The following ZNF385B variants were observed in gnomAD, a reference collection of about 807,000 sequenced individuals.
ZNF385B encodes zinc finger protein 533.
A neutral mutation model predicts 39.2 loss-of-function variants in ZNF385B; 23 were observed. The observed-to-expected ratio is 0.59, with a 90% CI of 0.42 to 0.83. The LOEUF is 0.83. ZNF385B is among the 40% of genes least tolerant of loss of function. The pLI is 0.00. For synonymous variants in ZNF385B, 205 were observed against 222.6 expected, an observed-to-expected ratio of 0.92 and a Z score of 0.70; for missense variants, 552 against 598.9, an observed-to-expected ratio of 0.92 and a Z score of 0.82.
At chr2:179,577,593 T>C (rs1350112005) in intron 3 of ZNF385B, among the ~76,000 whole-genome samples, 4 of 152,082 alleles carry the variant, frequency 2.6e-5, no homozygotes, top group African/African-American at 7.2e-5. Flanking sequence ...TTATTAATCT[T>C]GGGGAAAAAT....
intron 3 of ZNF385B, among the ~76,000 whole-genome samples, chr2:179,728,900 T>G (rs1364957486): frequency 6.6e-6 from 1 of 151,976 alleles, no homozygotes; most frequent in Non-Finnish European, 1.5e-5. Flanking sequence ...TATTAAAAAC[T>G]CAGGTAGCAC....
intron 3 of ZNF385B, among the ~76,000 whole-genome samples, chr2:179,569,659 G>A (rs1267931348): frequency 6.6e-6 from 1 of 152,194 alleles, no homozygotes; most frequent in Non-Finnish European, 1.5e-5. Flanking sequence ...TGAGGACACA[G>A]AACTCACCTT....
At chr2:179,640,715 A>G (rs1367097335) in intron 3 of ZNF385B, among the ~76,000 whole-genome samples, 1 of 152,212 alleles carries the variant, frequency 6.6e-6, no homozygotes, top group Admixed American at 6.6e-5. Flanking sequence ...TATGGGGAGC[A>G]GTGGAATAAA....
intron 3 of ZNF385B, among the ~76,000 whole-genome samples, chr2:179,565,977 G>A (rs1320688152): frequency 6.6e-6 from 1 of 152,134 alleles, no homozygotes; most frequent in African/African-American, 2.4e-5. Context: ...AGAGCTCTAA[G>A]CTCTTCTGGC....
At chr2:179,784,110 G>C (rs1385883294) in intron 1 of ZNF385B, among the ~76,000 whole-genome samples, 1 of 152,030 alleles carries the variant, frequency 6.6e-6, no homozygotes, top group Non-Finnish European at 1.5e-5. Flanking sequence ...AAGAAAACGT[G>C]GTAAATGTAT....
chr2:179,447,519 G>A (rs2049625771), intron 6 of ZNF385B, among the ~76,000 whole-genome samples: 2 of 152,156 alleles, frequency 1.3e-5, no homozygotes, highest in Admixed American at 1.3e-4. Context: ...GGCTATGAGA[G>A]TTAGAGTGAC....
At chr2:179,666,431 A>G (rs939294527) in intron 3 of ZNF385B, among the ~76,000 whole-genome samples, 4 of 152,218 alleles carry the variant, frequency 2.6e-5, no homozygotes, top group African/African-American at 9.6e-5. Context: ...TAAATTCCAA[A>G]CCATCTTACT....
At chr2:179,724,337 C>A in intron 3 of ZNF385B, among the ~76,000 whole-genome samples, 1 of 151,932 alleles carries the variant, frequency 6.6e-6, no homozygotes, top group Non-Finnish European at 1.5e-5. Context: ...AATTAATTAA[C>A]AAAGGCATCA....
At chr2:179,479,732 C>A (rs377105552) in intron 6 of ZNF385B, among the ~76,000 whole-genome samples, 2 of 151,994 alleles carry the variant, frequency 1.3e-5, no homozygotes, top group Admixed American at 1.3e-4. Flanking sequence ...CCCAGCTCCT[C>A]GGAGGCTGAG....
chr2:179,724,716 T>C (rs1020261281), intron 3 of ZNF385B, among the ~76,000 whole-genome samples: 1 of 152,174 alleles, frequency 6.6e-6, no homozygotes, highest in East Asian at 1.9e-4. Context: ...AGGATAAAAA[T>C]ATTGAAATAG....
At chr2:179,748,637 T>A (rs1702509894) in intron 3 of ZNF385B, among the ~76,000 whole-genome samples, 1 of 152,152 alleles carries the variant, frequency 6.6e-6, no homozygotes. Flanking sequence ...GTAGCAATAT[T>A]TTCTGCCATC....
chr2:179,563,772 T>C (rs1016677515), intron 3 of ZNF385B, among the ~76,000 whole-genome samples: 2 of 152,162 alleles, frequency 1.3e-5, no homozygotes, highest in African/African-American at 2.4e-5. Flanking sequence ...TACAGTATAA[T>C]TATAGTCATG....
intron 3 of ZNF385B, among the ~76,000 whole-genome samples, chr2:179,645,127 A>C (rs1260824410): frequency 3.3e-5 from 5 of 152,328 alleles, no homozygotes; most frequent in Admixed American, 1.3e-4. Flanking sequence ...CTACAGGTAC[A>C]CTCCAAATTA....
At chr2:179,707,487 G>A (rs1699695086) in intron 3 of ZNF385B, among the ~76,000 whole-genome samples, 1 of 152,198 alleles carries the variant, frequency 6.6e-6, no homozygotes, top group Admixed American at 6.5e-5. Context: ...AGGAATTGCA[G>A]GACATCCCCC....
chr2:179,560,540 ATC>A (rs2061261500), intron 3 of ZNF385B, among the ~76,000 whole-genome samples: 1 of 152,152 alleles, frequency 6.6e-6, no homozygotes, highest in Admixed American at 6.6e-5. Flanking sequence ...ATTGACTTGT[ATC>A]TCTGTCTCCT....
chr2:179,573,488 C>A (rs1685464456), intron 3 of ZNF385B, among the ~76,000 whole-genome samples: 1 of 151,930 alleles, frequency 6.6e-6, no homozygotes, highest in South Asian at 2.1e-4. Context: ...TTCTTGAAAA[C>A]AAACTTTTCA....
intron 3 of ZNF385B, among the ~76,000 whole-genome samples, chr2:179,660,743 G>A: frequency 6.6e-6 from 1 of 152,128 alleles, no homozygotes; most frequent in Non-Finnish European, 1.5e-5. Context: ...AAGCCTTACA[G>A]TTACAGGCAT....
In ZNF385B at chr2:179,527,253, G is replaced by T. The variant is rs563850803; in HGVS notation, c.442-8615C>A. Among the ~76,000 whole-genome samples, 5 of 152,294 alleles carry T rather than the reference G, an allele frequency of 3.3e-5. No homozygotes were observed. In the South Asian group the frequency reaches 1.0e-3, roughly 32 times the overall value. ...TATATTCCCGATAGAAAACACAAGG[G>T]AGTCAGCCCAGAGATGAGGCAGCCT... On this transcript the variant is annotated intron_variant, in intron 4 of 9. Transcript: ENST00000410066.
chr2:179,495,001 T>C (rs370260842), intron 5 of ZNF385B, among the ~76,000 whole-genome samples: 61 of 152,210 alleles, frequency 4.0e-4, no homozygotes, highest in Middle Eastern at 3.4e-3. Context: ...AAAGGCGACT[T>C]TGTCTTGCAC....
Sources: allele counts gnomAD v4.1 joint callset (sites outside exome capture counted in the v4.1 genomes callset), GRCh38; gene constraint gnomAD v4.1.1; transcripts MANE v1.5; gene names NCBI Gene and HGNC (gene_info 2026-07-23, HGNC 2026-07-21).